Variants in COG5 observed in about 807,000 individuals in gnomAD.
The protein encoded by COG5 is conserved oligomeric Golgi complex subunit 5.
In COG5, 86 loss-of-function variants were observed where a neutral mutation model predicts 110.4. That is an observed-to-expected ratio of 0.78 (90% confidence interval 0.65 to 0.93). The LOEUF is 0.93. COG5 is among the 40% of genes least tolerant of loss of function. COG5 has a pLI of 0.00. For synonymous variants in COG5, 360 were observed against 334.6 expected, an observed-to-expected ratio of 1.08 and a Z score of -0.83; for missense variants, 1,077 against 987.0, an observed-to-expected ratio of 1.09 and a Z score of -1.22.
intron 5 of COG5, among the ~76,000 whole-genome samples, chr7:107,530,611 A>AC (rs1296628900): frequency 7.9e-5 from 12 of 151,018 alleles, no homozygotes; most frequent in Non-Finnish European, 1.6e-4. Context: ...CAAAAAAAAA[A>AC]AAAAAAAAAA....
chr7:107,438,145 C>T (rs879286853), intron 6 of COG5, among the ~76,000 whole-genome samples: 8 of 152,130 alleles, frequency 5.3e-5, no homozygotes, highest in Non-Finnish European at 1.2e-4. Flanking sequence ...TTTCTATCAT[C>T]CCAAAATATG....
At chr7:107,288,972 T>C in intron 12 of COG5, among the ~76,000 whole-genome samples, 1 of 119,528 alleles carries the variant, frequency 8.4e-6, no homozygotes, top group Admixed American at 9.4e-5. Context: ...ATTTAAAAAT[T>C]TATCTATATT....
chr7:107,418,116 A>G (rs1793015022), intron 6 of COG5, among the ~76,000 whole-genome samples: 1 of 151,858 alleles, frequency 6.6e-6, no homozygotes, highest in Non-Finnish European at 1.5e-5. Flanking sequence ...ATTGTGGTTT[A>G]TAGAGGGTTA....
At chr7:107,500,432 C>A (rs1042067583) in intron 6 of COG5, among the ~76,000 whole-genome samples, 7 of 152,154 alleles carry the variant, frequency 4.6e-5, no homozygotes, top group African/African-American at 1.4e-4. Context: ...TCTCTGTGTA[C>A]TACCTCATTC....
rs1196547655 is a variant in COG5 at position 107,294,790 on chromosome 7, A to G, written c.1313+3352T>C. ...GAGTGCAGTGGCGCGATCTCAGCTCACTGCAATCTCCACCTCCTGGGTTCA... is the reference window on the plus strand; with the variant it reads ...GAGTGCAGTGGCGCGATCTCAGCTCGCTGCAATCTCCACCTCCTGGGTTCA... On this transcript the variant is annotated intron_variant, in intron 12 of 21. Coordinates refer to ENST00000297135, the MANE Select transcript of COG5 (RefSeq NM_006348.5). 4.6e-5 allele frequency among the ~76,000 whole-genome samples: 6 copies of G among 131,444 alleles called. No individual in the cohort carries two copies. In the South Asian group the frequency reaches 7.2e-4, roughly 16 times the overall value. The allele number at this position is 131,444 out of a possible 152,430, so 86.2% of individuals were successfully genotyped here.
At chr7:107,517,646 C>G (rs1169733081) in intron 6 of COG5, among the ~76,000 whole-genome samples, 1 of 151,122 alleles carries the variant, frequency 6.6e-6, no homozygotes, top group African/African-American at 2.4e-5. Context: ...AACAGCGGAT[C>G]TCTCAGCAGA....
chr7:107,351,431 A>G (rs1360431663), intron 10 of COG5, among the ~76,000 whole-genome samples: 1 of 152,210 alleles, frequency 6.6e-6, no homozygotes, highest in Non-Finnish European at 1.5e-5. Context: ...ACCAAAAGCG[A>G]TGGCAACAAA....
At chr7:107,208,590 C>G in intron 21 of COG5, 1 of 985,406 alleles carries the variant, frequency 1.0e-6, no homozygotes, top group South Asian at 4.7e-5. Flanking sequence ...CCTGTGTTAG[C>G]CCAGGCCCAA....
At chr7:107,326,720 C>A (rs1809797422) in intron 10 of COG5, among the ~76,000 whole-genome samples, 1 of 152,030 alleles carries the variant, frequency 6.6e-6, no homozygotes, top group East Asian at 1.9e-4. Context: ...GTCCATACTC[C>A]CCAAATGATC....
intron 10 of COG5, among the ~76,000 whole-genome samples, chr7:107,345,528 AAGTAG>A (rs1278491219): frequency 4.6e-5 from 7 of 152,176 alleles, no homozygotes; most frequent in Admixed American, 2.0e-4. Flanking sequence ...GGCACTTAGA[AAGTAG>A]AGTAGTGTTC....
In COG5 at chr7:107,441,278, G is replaced by A. The variant is rs927309581; in HGVS notation, c.539-28646C>T. Reference sequence around the variant, plus strand: ...CTCAAAAAAAAAAAAAAAAAAAAAAGAATTACCAATCCTGAGGAGGGAGTT... The same window carrying A: ...CTCAAAAAAAAAAAAAAAAAAAAAAAAATTACCAATCCTGAGGAGGGAGTT... On this transcript the variant is annotated intron_variant, in intron 6 of 21. Coordinates refer to ENST00000297135, the MANE Select transcript of COG5 (RefSeq NM_006348.5). Among the ~76,000 whole-genome samples, 476 of 100,338 alleles carry A rather than the reference G, an allele frequency of 4.7e-3. 5 individuals are homozygous for A. Among genetic ancestry groups the A allele is most frequent in the African/African-American group, 0.018 (431 of 24,358 alleles). 65.8% of individuals were successfully genotyped at this position (100,338 alleles called of 152,430 possible).
intron 6 of COG5, among the ~76,000 whole-genome samples, chr7:107,449,400 A>C (rs1348379911): frequency 6.6e-6 from 1 of 152,222 alleles, no homozygotes; most frequent in African/African-American, 2.4e-5. Flanking sequence ...CTACTGTAAC[A>C]ATTTGGTAGC....
Position 107,317,545 on chromosome 7 carries a change from G to A in COG5, c.1108+6895C>T, listed in dbSNP as rs145155137. On this transcript the variant is annotated intron_variant, in intron 11 of 21. Coordinates refer to ENST00000297135, the MANE Select transcript of COG5 (RefSeq NM_006348.5). The stretch of plus-strand genomic sequence containing the variant: ...CATAATTCACAGGGTAATAATTTGA[G>A]GGTATTAAGAAGAATGTTGCCTCAT... 2.1e-3 allele frequency among the ~76,000 whole-genome samples: 320 copies of A among 152,256 alleles called. 2 individuals are homozygous for A. Among genetic ancestry groups the A allele is most frequent in the African/African-American group, 7.2e-3 (298 of 41,538 alleles).
intron 18 of COG5, among the ~76,000 whole-genome samples, chr7:107,233,519 A>G (rs1204615207): frequency 6.6e-6 from 1 of 152,186 alleles, no homozygotes; most frequent in Non-Finnish European, 1.5e-5. Flanking sequence ...TTCTTAAAGA[A>G]ATCCTGAAAA....
At chr7:107,272,113 C>T (rs1804325101) in intron 14 of COG5, among the ~76,000 whole-genome samples, 1 of 152,036 alleles carries the variant, frequency 6.6e-6, no homozygotes, top group African/African-American at 2.4e-5. Context: ...CAGAAAAATT[C>T]TGTGAAAGGA....
chr7:107,499,454 G>A (rs1029571343), intron 6 of COG5, among the ~76,000 whole-genome samples: 1 of 149,778 alleles, frequency 6.7e-6, no homozygotes, highest in Non-Finnish European at 1.5e-5. Flanking sequence ...TGTCCAGGCT[G>A]GAGTGCAGTG....
intron 11 of COG5, among the ~76,000 whole-genome samples, chr7:107,315,686 T>A (rs912408253): frequency 6.6e-6 from 1 of 152,156 alleles, no homozygotes; most frequent in Non-Finnish European, 1.5e-5. Context: ...TCTGTTACAT[T>A]GTGTGTAATC....
At chr7:107,295,914 C>T (rs150236508) in intron 12 of COG5, among the ~76,000 whole-genome samples, 242 of 152,266 alleles carry the variant, frequency 1.6e-3, no homozygotes, top group African/African-American at 5.5e-3. Flanking sequence ...GCTCAGCCTC[C>T]CAAGTAGCTG....
intron 10 of COG5, among the ~76,000 whole-genome samples, chr7:107,357,335 T>C (rs1425556289): frequency 1.3e-5 from 2 of 152,162 alleles, no homozygotes; most frequent in African/African-American, 4.8e-5. Flanking sequence ...AAACGTCATT[T>C]TGGACTTTTC....
Sources: allele counts gnomAD v4.1 joint callset (sites outside exome capture counted in the v4.1 genomes callset), GRCh38; gene constraint gnomAD v4.1.1; transcripts MANE v1.5; gene names NCBI Gene and HGNC (gene_info 2026-07-23, HGNC 2026-07-21).